The following RPS3 variants were observed in gnomAD, a reference collection of about 807,000 sequenced individuals.
RPS3 encodes the protein ribosomal protein S3, also known as small ribosomal subunit protein uS3.
Under a neutral mutation model 25.8 loss-of-function variants are expected in RPS3, and 2 were observed. That is an observed-to-expected ratio of 0.08 (90% CI 0.03 to 0.24). RPS3 has a LOEUF of 0.24. RPS3 is among the 10% of genes least tolerant of loss of function. RPS3 has a pLI of 1.00. For synonymous variants in RPS3, 114 were observed against 114.2 expected (o/e 1.00, Z 0.01); for missense variants, 107 against 307.1 (o/e 0.35, Z 4.87).
downstream of RPS3, among the ~76,000 whole-genome samples, chr11:75,409,695 G>T (rs1292589599): frequency 7.4e-6 from 1 of 135,012 alleles, no homozygotes; most frequent in Non-Finnish European, 1.7e-5. Flanking sequence ...CCAATGAGCC[G>T]CTGGGCACAC....
chr11:75,421,447 ATCTG>A (rs1312759302), intron 6 of RPS3, among the ~76,000 whole-genome samples: 1 of 152,096 alleles, frequency 6.6e-6, no homozygotes, highest in African/African-American at 2.4e-5. Context: ...GCCTCGCAGA[ATCTG>A]TCTATGGTGT....
At chr11:75,407,128 A>G (rs1488051981), downstream of RPS3, among the ~76,000 whole-genome samples, 1 of 152,132 alleles carries the variant, frequency 6.6e-6, no homozygotes, top group Admixed American at 6.5e-5. Flanking sequence ...TTTGATGATT[A>G]TATGGATTCC....
At chr11:75,410,869 G>T (rs573202184), downstream of RPS3, among the ~76,000 whole-genome samples, 1 of 152,068 alleles carries the variant, frequency 6.6e-6, no homozygotes, top group Non-Finnish European at 1.5e-5. Context: ...GCCTGCAATC[G>T]CAGGCACTCT....
chr11:75,422,015 T>C (rs768622406), exon 7 of RPS3: 1 of 152,298 alleles, frequency 6.6e-6, no homozygotes, highest in Non-Finnish European at 1.5e-5. Flanking sequence ...AATGAGGTAA[T>C]GTATGTGTCA....
chr11:75,419,224 G>T (rs562508655), intron 6 of RPS3, among the ~76,000 whole-genome samples: 5 of 152,294 alleles, frequency 3.3e-5, no homozygotes, highest in African/African-American at 7.2e-5. Flanking sequence ...GATTTAACTG[G>T]ATGAAAATAA....
At chr11:75,402,090 A>G in intron 3 of RPS3, 1 of 565,108 alleles carries the variant, frequency 1.8e-6, no homozygotes, top group Non-Finnish European at 3.2e-6. Flanking sequence ...GCTGTATATG[A>G]TGGTGGTGTC....
rs568391729 is a variant in RPS3 at position 75,413,341 on chromosome 11, C to T, written c.*4-8386C>T. Among the ~76,000 whole-genome samples the T allele has an allele frequency of 5.3e-5, 8 of 152,212 alleles. No individual in the cohort carries two copies. In the East Asian group the frequency reaches 1.5e-3, roughly 29 times the overall value. On this transcript the variant is annotated intron_variant, in intron 6 of 6. Transcript: ENST00000527446. ...CTGCGATCTCAGCTCACTGCAAGCT[C>T]TGCCTCCTGGCTTCACGCCATTCTC...
intron 3 of RPS3, chr11:75,402,102 G>C (rs1202512580): frequency 3.5e-6 from 2 of 569,740 alleles, no homozygotes; most frequent in Admixed American, 3.1e-5. Flanking sequence ...GGTGGTGTCC[G>C]ATCTTTTGGC....
chr11:75,416,646 C>CG (rs1410256988), intron 6 of RPS3, among the ~76,000 whole-genome samples: 1 of 151,838 alleles, frequency 6.6e-6, no homozygotes, highest in Non-Finnish European at 1.5e-5. Context: ...TTAGTAGAGA[C>CG]GGGGTTTCAC....
At chr11:75,415,630 A>G (rs184818887) in intron 6 of RPS3, among the ~76,000 whole-genome samples, 6 of 152,178 alleles carry the variant, frequency 3.9e-5, no homozygotes, top group African/African-American at 1.4e-4. Flanking sequence ...AGATGGTGAA[A>G]CCCCATCTCT....
At chr11:75,417,575 T>G (rs552447328) in intron 6 of RPS3, among the ~76,000 whole-genome samples, 88 of 152,136 alleles carry the variant, frequency 5.8e-4, no homozygotes, top group Non-Finnish European at 1.1e-3. Context: ...CCAGCCTGGG[T>G]GACAGAGTGA....
At chr11:75,417,059 G>A (rs536553594) in intron 6 of RPS3, among the ~76,000 whole-genome samples, 39 of 152,288 alleles carry the variant, frequency 2.6e-4, no homozygotes, top group Admixed American at 2.2e-3. Flanking sequence ...TGAGCTTGCT[G>A]TAAACATTTA....
chr11:75,421,478 C>T (rs912380123), intron 6 of RPS3, among the ~76,000 whole-genome samples: 1 of 152,212 alleles, frequency 6.6e-6, no homozygotes, highest in Admixed American at 6.5e-5. Flanking sequence ...TTCCCTTTCT[C>T]TCCCTCTCTG....
intron 6 of RPS3, 75 bp from the exon 7 acceptor site, chr11:75,405,539 G>A: frequency 2.2e-6 from 1 of 451,812 alleles, no homozygotes; most frequent in African/African-American, 2.0e-5. Flanking sequence ...AAGTGGGAGT[G>A]TGTATCCATT....
chr11:75,407,804 C>A (rs1565166069), downstream of RPS3, among the ~76,000 whole-genome samples: 1 of 152,216 alleles, frequency 6.6e-6, no homozygotes, highest in African/African-American at 2.4e-5. Flanking sequence ...TAGGTTAAGA[C>A]TGTACTGTGC....
chr11:75,399,827 G>C (rs1948177946), intron 1 of RPS3: 1 of 554,726 alleles, frequency 1.8e-6, no homozygotes. Context: ...CGGAGAAGGC[G>C]TTTGTGAGCA....
At chr11:75,421,196 C>G (rs1948441546) in intron 6 of RPS3, among the ~76,000 whole-genome samples, 2 of 152,198 alleles carry the variant, frequency 1.3e-5, no homozygotes, top group Non-Finnish European at 2.9e-5. Context: ...CGGGTCGGAG[C>G]TCAGCTGGGA....
downstream of RPS3, among the ~76,000 whole-genome samples, chr11:75,408,219 AT>A (rs1363722914): frequency 6.6e-6 from 1 of 152,166 alleles, no homozygotes; most frequent in Admixed American, 6.5e-5. Context: ...ATGCCAAAAT[AT>A]GTCCAGCTGT....
intron 3 of RPS3, 74 bp downstream of exon 3, chr11:75,401,807 C>G: frequency 1.2e-6 from 1 of 860,672 alleles, no homozygotes; most frequent in Non-Finnish European, 2.0e-6. Context: ...AACTTGGAGA[C>G]TTTAATTGTT....
Sources: allele counts gnomAD v4.1 joint callset (sites outside exome capture counted in the v4.1 genomes callset), GRCh38; gene constraint gnomAD v4.1.1; transcripts MANE v1.5; gene names NCBI Gene and HGNC (gene_info 2026-07-23, HGNC 2026-07-21).